The following PACRG variants were observed in gnomAD, a reference collection of about 807,000 sequenced individuals.
PACRG encodes parkin coregulated.
PACRG carries 29 observed loss-of-function variants against 29.7 expected under a neutral mutation model. The observed-to-expected ratio is 0.98, with a 90% CI of 0.73 to 1.33. The LOEUF (loss-of-function observed/expected upper bound fraction) is 1.33. Ranked by LOEUF, PACRG falls within the 40% of genes most tolerant of loss-of-function variation. The pLI is 0.00. For synonymous variants in PACRG, 116 were observed against 118.7 expected, an observed-to-expected ratio of 0.98 and a Z score of 0.15; for missense variants, 279 against 316.2, an observed-to-expected ratio of 0.88 and a Z score of 0.89.
chr6:163,202,888 G>A (rs1394207421), intron 4 of PACRG, among the ~76,000 whole-genome samples: 1 of 152,174 alleles, frequency 6.6e-6, no homozygotes, highest in Non-Finnish European at 1.5e-5. Context: ...CAGACTGTGA[G>A]AATTCAATCT....
At chr6:163,108,747 C>T (rs577556620) in intron 4 of PACRG, among the ~76,000 whole-genome samples, 37 of 152,218 alleles carry the variant, frequency 2.4e-4, no homozygotes, top group South Asian at 1.0e-3. Context: ...TAAGTTGTTG[C>T]GCCAACCTAT....
At chr6:163,304,886 CTG>C (rs1225295312) in intron 4 of PACRG, among the ~76,000 whole-genome samples, 2 of 152,202 alleles carry the variant, frequency 1.3e-5, no homozygotes, top group African/African-American at 4.8e-5. Flanking sequence ...CATGGAGACA[CTG>C]ATTATTAACC....
At chr6:163,188,932 C>T (rs139756732) in intron 4 of PACRG, among the ~76,000 whole-genome samples, 19 of 152,290 alleles carry the variant, frequency 1.2e-4, no homozygotes, top group Admixed American at 5.2e-4. Flanking sequence ...TACGCTAGAA[C>T]GTGAAAAACA....
intron 2 of PACRG, among the ~76,000 whole-genome samples, chr6:162,980,784 A>G (rs1802345994): frequency 6.6e-6 from 1 of 152,190 alleles, no homozygotes; most frequent in African/African-American, 2.4e-5. Flanking sequence ...TAAGAATCTC[A>G]TTAAATTTAT....
intron 2 of PACRG, among the ~76,000 whole-genome samples, chr6:163,006,041 A>G (rs1355494720): frequency 2.8e-5 from 4 of 145,026 alleles, no homozygotes; most frequent in Admixed American, 7.0e-5. Flanking sequence ...TATATATAAC[A>G]TATATAACTA....
intron 4 of PACRG, among the ~76,000 whole-genome samples, chr6:163,114,957 T>C (rs1317641444): frequency 1.3e-5 from 2 of 152,120 alleles, no homozygotes; most frequent in Non-Finnish European, 2.9e-5. Context: ...CAAAACATCA[T>C]GTGTACAACT....
At chr6:162,907,410 T>C in intron 2 of PACRG, among the ~76,000 whole-genome samples, 1 of 152,126 alleles carries the variant, frequency 6.6e-6, no homozygotes, top group East Asian at 1.9e-4. Context: ...ATTTCTAATA[T>C]TTTTTACATG....
At chr6:163,198,316 T>G (rs773646554) in intron 4 of PACRG, among the ~76,000 whole-genome samples, 1 of 152,232 alleles carries the variant, frequency 6.6e-6, no homozygotes, top group East Asian at 1.9e-4. Context: ...ATTCAGAGTT[T>G]GATTATTTGT....
intron 2 of PACRG, among the ~76,000 whole-genome samples, chr6:163,049,399 A>G (rs1352430980): frequency 3.9e-5 from 6 of 152,080 alleles, no homozygotes; most frequent in African/African-American, 1.4e-4. Context: ...ATGAGAATAA[A>G]CCATTATTAA....
At chr6:162,787,578 G>GTATCTATA (rs1408657404) in intron 1 of PACRG, among the ~76,000 whole-genome samples, 77 of 51,442 alleles carry the variant, frequency 1.5e-3, no homozygotes, top group African/African-American at 6.4e-3. Flanking sequence ...GTGTGTGTGT[G>GTATCTATA]TGTGTATATA....
At chr6:163,246,267 T>A (rs1227947127) in intron 4 of PACRG, among the ~76,000 whole-genome samples, 1 of 152,188 alleles carries the variant, frequency 6.6e-6, no homozygotes, top group South Asian at 2.1e-4. Context: ...TCCAGTTGCA[T>A]CAGAAGTCTT....
At chr6:163,099,801 C>CGTGCCA (rs1441407750) in intron 4 of PACRG, among the ~76,000 whole-genome samples, 4 of 152,154 alleles carry the variant, frequency 2.6e-5, no homozygotes, top group Non-Finnish European at 5.9e-5. Flanking sequence ...GGAGCCTTTC[C>CGTGCCA]GTGCCACTGC....
rs536310721 is a variant in PACRG at position 162,972,702 on chromosome 6, A to G, written c.292-89448A>G. ...GAAAGACGAGAAGATCCCATAACACATCTGTGAATCTGGACATCTCAAGCT... is the reference window on the plus strand; with the variant it reads ...GAAAGACGAGAAGATCCCATAACACGTCTGTGAATCTGGACATCTCAAGCT... On this transcript the variant is annotated intron_variant, in intron 2 of 4. Coordinates refer to ENST00000366888, the MANE Select transcript of PACRG (RefSeq NM_001080379.2). Among the ~76,000 whole-genome samples the G allele has an allele frequency of 1.8e-4, 27 of 152,258 alleles. No homozygotes were observed. The South Asian group carries it at 3.5e-3, about 20-fold the overall frequency.
At chr6:162,974,924 C>T (rs951713136) in intron 2 of PACRG, among the ~76,000 whole-genome samples, 1 of 152,166 alleles carries the variant, frequency 6.6e-6, no homozygotes, top group Admixed American at 6.5e-5. Flanking sequence ...AGCAATGGCT[C>T]TTTTGCCACG....
At chr6:162,903,855 G>T (rs1375003738) in intron 2 of PACRG, among the ~76,000 whole-genome samples, 1 of 152,168 alleles carries the variant, frequency 6.6e-6, no homozygotes, top group African/African-American at 2.4e-5. Context: ...CTGCCTCAGG[G>T]TGGGCCCCTG....
intron 2 of PACRG, among the ~76,000 whole-genome samples, chr6:162,947,412 TAATCATAC>T (rs1418698098): frequency 1.5e-5 from 1 of 64,620 alleles, no homozygotes; most frequent in African/African-American, 4.4e-5. Context: ...TAATCATATA[TAATCATAC>T]ATAAAATCAT....
chr6:163,236,730 A>G (rs1782255205), intron 4 of PACRG, among the ~76,000 whole-genome samples: 1 of 152,190 alleles, frequency 6.6e-6, no homozygotes, highest in African/African-American at 2.4e-5. Context: ...TGATTGTATT[A>G]GTCCGTTTTC....
At chr6:163,020,869 T>A (rs2128220191) in intron 2 of PACRG, among the ~76,000 whole-genome samples, 1 of 152,258 alleles carries the variant, frequency 6.6e-6, no homozygotes, top group East Asian at 1.9e-4. Flanking sequence ...CCTGCCACCA[T>A]CAATCAGCAA....
chr6:162,923,407 G>A (rs1797206000), intron 2 of PACRG, among the ~76,000 whole-genome samples: 1 of 152,044 alleles, frequency 6.6e-6, no homozygotes, highest in Non-Finnish European at 1.5e-5. Context: ...GTACTTTTAA[G>A]GTTTTAGGCA....
Sources: allele counts gnomAD v4.1 joint callset (sites outside exome capture counted in the v4.1 genomes callset), GRCh38; gene constraint gnomAD v4.1.1; transcripts MANE v1.5; gene names NCBI Gene and HGNC (gene_info 2026-07-23, HGNC 2026-07-21).